ASAP1: variants seen among roughly 807,000 people sequenced by gnomAD.
The protein encoded by ASAP1 is ArfGAP with SH3 domain, ankyrin repeat and PH domain 1.
In ASAP1, 43 loss-of-function variants were observed where a neutral mutation model predicts 145.2. The ratio of observed to expected loss-of-function variants is 0.30; its 90% CI spans 0.23 to 0.38. ASAP1 has a LOEUF of 0.38. Among genes scored for constraint, ASAP1 ranks in the 10% least tolerant of loss-of-function variants. The pLI, the probability that ASAP1 is intolerant of heterozygous loss-of-function variation, is 1.00. For missense variants in ASAP1, 1,018 were observed against 1,355.3 expected, an observed-to-expected ratio of 0.75 and a Z score of 3.91; for synonymous variants, 546 against 515.5, an observed-to-expected ratio of 1.06 and a Z score of -0.80.
rs1230508424 is a variant in ASAP1, at chr8:130,168,901, G to A, written c.822+91C>T. The A allele has an allele frequency of 5.3e-6, 4 of 754,136 alleles. No homozygotes were observed. The East Asian group carries it at 1.0e-4, about 19-fold the overall frequency. The allele number at this position is 754,136 out of a possible 1,614,324, so 46.7% of individuals were successfully genotyped here. ...ACAGACATATCATTTAATCTTTTCT[G>A]CTTTTAACACCTTTCTAATACAGAT... On this transcript the variant is annotated intron_variant, in intron 10 of 29. Coordinates refer to ENST00000518721, the MANE Select transcript of ASAP1 (RefSeq NM_018482.4).
At chr8:130,082,388 T>C (rs926896283) in intron 25 of ASAP1, among the ~76,000 whole-genome samples, 3 of 152,074 alleles carry the variant, frequency 2.0e-5, no homozygotes, top group African/African-American at 7.2e-5. Context: ...ATTTATTTTT[T>C]CAAGATGGGG....
At chr8:130,424,955 T>C (rs562991710) in intron 1 of ASAP1, among the ~76,000 whole-genome samples, 2 of 147,282 alleles carry the variant, frequency 1.4e-5, no homozygotes, top group East Asian at 3.9e-4. Flanking sequence ...ATCTCACCAC[T>C]GCACTCCAGC....
intron 9 of ASAP1, among the ~76,000 whole-genome samples, chr8:130,169,281 A>G (rs752576083): frequency 8.7e-4 from 132 of 152,364 alleles, no homozygotes; most frequent in Non-Finnish European, 1.5e-3. Context: ...CAAATAAATT[A>G]TGGCTGTCAG....
intron 3 of ASAP1, among the ~76,000 whole-genome samples, chr8:130,275,677 C>T (rs945320797): frequency 9.3e-5 from 14 of 150,814 alleles, no homozygotes; most frequent in African/African-American, 3.2e-4. Flanking sequence ...ATTAGAGAAA[C>T]GTAAGCATTT....
intron 2 of ASAP1, among the ~76,000 whole-genome samples, chr8:130,361,322 G>C (rs1185492524): frequency 6.6e-6 from 1 of 152,192 alleles, no homozygotes; most frequent in Non-Finnish European, 1.5e-5. Context: ...GTAAAATAAA[G>C]GAGTGAGTGT....
chr8:130,060,203 T>C (rs1180401946), intron 28 of ASAP1, among the ~76,000 whole-genome samples: 2 of 151,320 alleles, frequency 1.3e-5, no homozygotes, highest in Non-Finnish European at 2.9e-5. Context: ...TCCTAGGTAA[T>C]AGTGACTACT....
At chr8:130,160,859 C>A in intron 11 of ASAP1, 3 of 1,171,038 alleles carry the variant, frequency 2.6e-6, no homozygotes, top group African/African-American at 1.6e-5. Flanking sequence ...TAGTTAATTT[C>A]ATTGAAAATG....
chr8:130,079,307 C>T (rs2097473019), intron 26 of ASAP1, among the ~76,000 whole-genome samples: 2 of 152,046 alleles, frequency 1.3e-5, no homozygotes, highest in African/African-American at 4.8e-5. Flanking sequence ...TTGGATGGCA[C>T]CTCCAGAGAA....
Position 130,057,857 on chromosome 8 carries a change from G to A in ASAP1, c.3315+97C>T, listed in dbSNP as rs2097407648. ...GCTGACAGGGTCCTTGTGCTCAAGAGCCCTCTTTTACTGCACTGTCTGTAG... is the reference window on the plus strand; with the variant it reads ...GCTGACAGGGTCCTTGTGCTCAAGAACCCTCTTTTACTGCACTGTCTGTAG... On this transcript the variant is annotated intron_variant, in intron 29 of 29. Coordinates refer to ENST00000518721, the MANE Select transcript of ASAP1 (RefSeq NM_018482.4). 3.4e-6 allele frequency: 5 copies of A among 1,481,852 alleles called. No individual in the cohort carries two copies. In the African/African-American group the frequency reaches 7.0e-5, roughly 21 times the overall value. 91.8% of individuals were successfully genotyped at this position (1,481,852 alleles called of 1,614,324 possible).
intron 4 of ASAP1, 29 bp from the exon 5 acceptor site, chr8:130,214,730 T>C (rs777576530): frequency 6.5e-7 from 1 of 1,541,274 alleles, no homozygotes; most frequent in Non-Finnish European, 8.8e-7. Context: ...AAGAAAGGAG[T>C]CTGAACTATT....
chr8:130,155,957 G>A (rs964286612), intron 12 of ASAP1, among the ~76,000 whole-genome samples: 1 of 152,138 alleles, frequency 6.6e-6, no homozygotes, highest in Admixed American at 6.5e-5. Flanking sequence ...ATCCCAGCGC[G>A]ATCTCTAGCT....
At chr8:130,185,852 G>A (rs1408911119) in intron 7 of ASAP1, among the ~76,000 whole-genome samples, 1 of 151,880 alleles carries the variant, frequency 6.6e-6, no homozygotes, top group Non-Finnish European at 1.5e-5. Flanking sequence ...TATATTCTAA[G>A]TCATTTATAA....
intron 4 of ASAP1, among the ~76,000 whole-genome samples, chr8:130,221,578 C>T (rs1174476611): frequency 1.3e-5 from 2 of 152,180 alleles, no homozygotes; most frequent in Non-Finnish European, 2.9e-5. Flanking sequence ...CAATTTTCTG[C>T]TCTTTGCTAA....
intron 3 of ASAP1, 103 bp downstream of exon 3, chr8:130,357,913 GC>G (rs1826434089): frequency 1.8e-5 from 26 of 1,446,552 alleles, no homozygotes; most frequent in Admixed American, 4.1e-5. Context: ...GGGGTGTGGC[GC>G]CCCCGGCCCC....
chr8:130,197,373 G>T (rs1271271017), intron 5 of ASAP1, among the ~76,000 whole-genome samples: 1 of 152,210 alleles, frequency 6.6e-6, no homozygotes, highest in African/African-American at 2.4e-5. Context: ...AGGCTGCAGT[G>T]AGCTGAGATC....
chr8:130,195,649 C>G (rs117884292), intron 5 of ASAP1, among the ~76,000 whole-genome samples: 2,836 of 152,288 alleles, frequency 0.019, 35 homozygotes, highest in Middle Eastern at 0.082. Context: ...ATACATCAAG[C>G]CTAACCAGAA....
intron 2 of ASAP1, among the ~76,000 whole-genome samples, chr8:130,395,302 T>C (rs568401484): frequency 4.1e-4 from 62 of 152,268 alleles, no homozygotes; most frequent in African/African-American, 1.4e-3. Flanking sequence ...ACACGTCCTC[T>C]TGCAAAAAGT....
intron 2 of ASAP1, among the ~76,000 whole-genome samples, chr8:130,367,189 C>T (rs943271659): frequency 7.9e-5 from 12 of 151,950 alleles, no homozygotes; most frequent in East Asian, 1.9e-4. Flanking sequence ...CACACCCGGC[C>T]GCTAGATACT....
At chr8:130,391,372 C>T (rs1010376559) in intron 2 of ASAP1, among the ~76,000 whole-genome samples, 41 of 152,252 alleles carry the variant, frequency 2.7e-4, no homozygotes, top group African/African-American at 9.6e-4. Flanking sequence ...GCAATGGTTG[C>T]ACAACAATGT....
Sources: gnomAD v4.1 joint callset for allele counts (sites outside exome capture counted in the v4.1 genomes callset) on GRCh38, gnomAD v4.1.1 for gene constraint, MANE v1.5 for transcripts, NCBI Gene and HGNC (gene_info 2026-07-23, HGNC 2026-07-21) for gene names.